RMND1: variants seen among roughly 807,000 people sequenced by gnomAD.
RMND1 encodes required for meiotic nuclear division protein 1 homolog.
In RMND1, 41 loss-of-function variants were observed where a neutral mutation model predicts 54.0. The observed-to-expected ratio is 0.76, with a 90% CI of 0.59 to 0.98. The LOEUF is 0.98. RMND1 is among the 50% of genes least tolerant of loss of function. RMND1 has a pLI of 0.00. For synonymous variants in RMND1, 183 were observed against 181.7 expected (o/e 1.01, Z -0.06); for missense variants, 457 against 532.0 (o/e 0.86, Z 1.39).
intron 2 of RMND1, among the ~76,000 whole-genome samples, chr6:151,443,167 C>A (rs1205146772): frequency 6.6e-6 from 1 of 152,116 alleles, no homozygotes; most frequent in East Asian, 1.9e-4. Flanking sequence ...ATGGAGTGGC[C>A]CTCAATTTCG....
intron 8 of RMND1, among the ~76,000 whole-genome samples, chr6:151,422,111 T>G (rs1780167038): frequency 6.6e-6 from 1 of 152,238 alleles, no homozygotes; most frequent in Admixed American, 6.5e-5. Context: ...GTAATAATGT[T>G]GTTGTACTCC....
chr6:151,434,542 CCA>C (rs1198059051), intron 3 of RMND1, among the ~76,000 whole-genome samples: 1 of 152,046 alleles, frequency 6.6e-6, no homozygotes, highest in Non-Finnish European at 1.5e-5. Flanking sequence ...GAAGCACAGA[CCA>C]CACAGCTGGC....
At chr6:151,421,363 T>G in intron 8 of RMND1, 42 bp from the exon 9 acceptor site, 1 of 1,448,854 alleles carries the variant, frequency 6.9e-7, no homozygotes, top group Non-Finnish European at 9.6e-7. Context: ...ACCATGTATC[T>G]CTCTTTCTAA....
intron 2 of RMND1, chr6:151,444,523 C>T (rs1780894023): frequency 1.3e-5 from 2 of 152,146 alleles, no homozygotes; most frequent in Admixed American, 1.3e-4. Flanking sequence ...GAAACAGGCT[C>T]AGGGGCTACT....
chr6:151,407,810 G>A (rs1779679278), intron 10 of RMND1, among the ~76,000 whole-genome samples: 1 of 152,096 alleles, frequency 6.6e-6, no homozygotes, highest in Non-Finnish European at 1.5e-5. Flanking sequence ...AGGAGGCTGA[G>A]GCAGGAGAAT....
At chr6:151,406,126 TAA>T (rs898693200) in intron 10 of RMND1, among the ~76,000 whole-genome samples, 15 of 152,236 alleles carry the variant, frequency 9.9e-5, no homozygotes, top group Admixed American at 9.2e-4. Context: ...TTTTAGCAGT[TAA>T]AAGAGGCAAA....
chr6:151,411,729 T>G (rs892877566), intron 10 of RMND1: 14 of 152,160 alleles, frequency 9.2e-5, no homozygotes, highest in African/African-American at 3.4e-4. Context: ...AACGTTCTCG[T>G]CTAAGCTGAG....
intron 6 of RMND1, among the ~76,000 whole-genome samples, chr6:151,424,182 T>C (rs1780229066): frequency 6.7e-6 from 1 of 148,846 alleles, no homozygotes; most frequent in Non-Finnish European, 1.5e-5. Flanking sequence ...CAGTGTTGGC[T>C]GGGCACGGTG....
intron 10 of RMND1, among the ~76,000 whole-genome samples, chr6:151,410,309 C>T (rs1779790327): frequency 6.6e-6 from 1 of 152,148 alleles, no homozygotes; most frequent in South Asian, 2.1e-4. Flanking sequence ...CCCTCCTTGG[C>T]CTCCCAAAAT....
At chr6:151,407,386 A>G (rs1205432838) in intron 10 of RMND1, among the ~76,000 whole-genome samples, 1 of 151,940 alleles carries the variant, frequency 6.6e-6, no homozygotes, top group Non-Finnish European at 1.5e-5. Context: ...TTCATCCTTA[A>G]GCTTGCTTCT....
chr6:151,450,058 G>T (rs978113774), intron 1 of RMND1, among the ~76,000 whole-genome samples: 16 of 152,280 alleles, frequency 1.1e-4, no homozygotes, highest in Admixed American at 4.6e-4. Context: ...TGCAGCCTCT[G>T]CCTGGCCCCC....
At chr6:151,424,490 A>G (rs924788935) in intron 6 of RMND1, among the ~76,000 whole-genome samples, 1 of 151,888 alleles carries the variant, frequency 6.6e-6, no homozygotes, top group Non-Finnish European at 1.5e-5. Flanking sequence ...TCAGTGTTTA[A>G]GAGTAAAAAA....
At chr6:151,416,186 C>T (rs928520007) in intron 10 of RMND1, among the ~76,000 whole-genome samples, 1 of 151,970 alleles carries the variant, frequency 6.6e-6, no homozygotes, top group African/African-American at 2.4e-5. Flanking sequence ...ACCATATTGG[C>T]CAGGCAGGTC....
chr6:151,413,176 GA>G (rs1300710204), intron 10 of RMND1, among the ~76,000 whole-genome samples: 1 of 152,208 alleles, frequency 6.6e-6, no homozygotes, highest in Non-Finnish European at 1.5e-5. Context: ...AGCCTTGTGA[GA>G]AACACAGAAT....
chr6:151,410,254 A>T (rs1055014096), intron 10 of RMND1, among the ~76,000 whole-genome samples: 10 of 152,152 alleles, frequency 6.6e-5, no homozygotes, highest in African/African-American at 9.6e-5. Context: ...ACGGGGTCTC[A>T]CCATGTTAGC....
intron 10 of RMND1, among the ~76,000 whole-genome samples, chr6:151,406,284 C>CCAAA (rs1437590652): frequency 6.6e-6 from 1 of 152,170 alleles, no homozygotes; most frequent in African/African-American, 2.4e-5. Flanking sequence ...TCCGATGCCT[C>CCAAA]CAAACAAGCT....
At chr6:151,408,871 C>CG (rs1186687866) in intron 10 of RMND1, 1 of 152,226 alleles carries the variant, frequency 6.6e-6, no homozygotes. Context: ...GAATCAACAT[C>CG]TTAACTTTAG....
At chr6:151,436,228 A>G in intron 3 of RMND1, 1 of 490,134 alleles carries the variant, frequency 2.0e-6, no homozygotes, top group Non-Finnish European at 3.6e-6. Flanking sequence ...TGATCCTATA[A>G]ATAATCTTAA....
At chr6:151,417,918 C>T (rs1471436264) in intron 9 of RMND1, among the ~76,000 whole-genome samples, 2 of 151,886 alleles carry the variant, frequency 1.3e-5, no homozygotes, top group African/African-American at 2.4e-5. Context: ...AAGCAATTCT[C>T]CTGCCTCAGC....
Sources: allele counts gnomAD v4.1 joint callset (sites outside exome capture counted in the v4.1 genomes callset), GRCh38; gene constraint gnomAD v4.1.1; transcripts MANE v1.5; gene names NCBI Gene and HGNC (gene_info 2026-07-23, HGNC 2026-07-21).